SPAG16: variants seen among roughly 807,000 people sequenced by gnomAD.
SPAG16 encodes the protein sperm associated antigen 16.
SPAG16 carries 86 observed loss-of-function variants against 80.4 expected under a neutral mutation model. The observed-to-expected ratio is 1.07, with a 90% CI of 0.90 to 1.28. The LOEUF (loss-of-function observed/expected upper bound fraction) is 1.28, where lower values mean the gene tolerates loss of function less well. Among genes scored for constraint, SPAG16 ranks in the 50% most tolerant of loss-of-function variants. The probability of loss-of-function intolerance (pLI) is 0.00; values close to 1 mark genes in which losing one functional copy is unlikely to be tolerated. For synonymous variants in SPAG16, 294 were observed against 265.9 expected (o/e 1.11, Z -1.03); for missense variants, 870 against 765.3 (o/e 1.14, Z -1.61).
intron 10 of SPAG16, among the ~76,000 whole-genome samples, chr2:213,582,269 C>T (rs1463191832): frequency 1.3e-5 from 2 of 152,032 alleles, no homozygotes; most frequent in African/African-American, 2.4e-5. Flanking sequence ...TGTGTCCTTC[C>T]TAAGTTATTT....
chr2:213,786,342 G>C (rs2070342835), intron 10 of SPAG16, among the ~76,000 whole-genome samples: 1 of 152,098 alleles, frequency 6.6e-6, no homozygotes, highest in South Asian at 2.1e-4. Flanking sequence ...TGGTGACTTT[G>C]ACCTAAAGGC....
At chr2:213,843,180 T>G (rs922276519) in intron 10 of SPAG16, among the ~76,000 whole-genome samples, 2 of 152,100 alleles carry the variant, frequency 1.3e-5, no homozygotes, top group Admixed American at 1.3e-4. Context: ...TAGTTACATA[T>G]GTGCCATGTG....
At chr2:213,351,519 C>T (rs73988000) in intron 7 of SPAG16, among the ~76,000 whole-genome samples, 2,196 of 152,152 alleles carry the variant, frequency 0.014, 47 homozygotes, top group African/African-American at 0.049. Flanking sequence ...ATACCTTTGG[C>T]ATAAAAATTT....
rs574075651 is a variant in SPAG16, at chr2:214,219,791, A to G, written c.1720+70525A>G. The stretch of plus-strand genomic sequence containing the variant: ...CTGTAACTTATTCAAATTTGCTCTC[A>G]CTGAAATATATTATTGCATGTGGCA... On this transcript the variant is annotated intron_variant, in intron 15 of 15. Transcript: ENST00000331683. Among the ~76,000 whole-genome samples, 6 of 152,204 alleles carry G rather than the reference A, an allele frequency of 3.9e-5. No homozygotes were observed. In the South Asian group the frequency reaches 1.0e-3, roughly 26 times the overall value.
intron 9 of SPAG16, among the ~76,000 whole-genome samples, chr2:213,380,219 C>T (rs2067098965): frequency 6.6e-6 from 1 of 152,190 alleles, no homozygotes; most frequent in African/African-American, 2.4e-5. Flanking sequence ...CTAAGTTCTG[C>T]CCACTGGGAA....
At chr2:213,757,880 G>T (rs2068429160) in intron 10 of SPAG16, among the ~76,000 whole-genome samples, 1 of 152,002 alleles carries the variant, frequency 6.6e-6, no homozygotes, top group Non-Finnish European at 1.5e-5. Context: ...AGTGGTTATT[G>T]TTGCACCTCT....
At chr2:213,329,259 T>C (rs544605773) in intron 5 of SPAG16, among the ~76,000 whole-genome samples, 1 of 152,340 alleles carries the variant, frequency 6.6e-6, no homozygotes, top group South Asian at 2.1e-4. Context: ...TGGAACAGTT[T>C]GGAGGGCTCA....
intron 10 of SPAG16, among the ~76,000 whole-genome samples, chr2:213,755,350 T>C (rs772115614): frequency 1.1e-4 from 17 of 152,196 alleles, no homozygotes; most frequent in Non-Finnish European, 2.2e-4. Context: ...TCATGTTATA[T>C]AGAAAATGTG....
chr2:213,628,169 G>A (rs778076802), intron 10 of SPAG16, among the ~76,000 whole-genome samples: 3 of 152,170 alleles, frequency 2.0e-5, no homozygotes, highest in Non-Finnish European at 4.4e-5. Context: ...TGAATATCCA[G>A]TTAGAGTTCA....
chr2:213,312,353 A>C (rs2063225564), intron 4 of SPAG16, among the ~76,000 whole-genome samples: 1 of 151,590 alleles, frequency 6.6e-6, no homozygotes, highest in Non-Finnish European at 1.5e-5. Context: ...AGGGGGGAAA[A>C]ATTAAAGAAG....
intron 13 of SPAG16, among the ~76,000 whole-genome samples, chr2:214,048,386 T>C (rs2049456146): frequency 6.6e-6 from 1 of 152,170 alleles, no homozygotes; most frequent in South Asian, 2.1e-4. Context: ...ATTAAAAAAA[T>C]GTCATCTTCT....
chr2:213,935,993 A>G (rs1310165562), intron 12 of SPAG16, among the ~76,000 whole-genome samples: 1 of 151,828 alleles, frequency 6.6e-6, no homozygotes, highest in African/African-American at 2.4e-5. Context: ...CAAATTTTGT[A>G]GAGGAAAACT....
At chr2:213,644,360 G>T (rs945640322) in intron 10 of SPAG16, among the ~76,000 whole-genome samples, 1 of 151,992 alleles carries the variant, frequency 6.6e-6, no homozygotes, top group African/African-American at 2.4e-5. Context: ...GACTTATTTA[G>T]TTTATTTGGT....
intron 10 of SPAG16, among the ~76,000 whole-genome samples, chr2:213,847,428 C>T (rs956604426): frequency 1.3e-5 from 2 of 152,094 alleles, no homozygotes; most frequent in Non-Finnish European, 2.9e-5. Context: ...CAAAGAGGGG[C>T]TGGCATATCA....
chr2:214,147,169 T>C (rs1446220185), intron 14 of SPAG16, among the ~76,000 whole-genome samples: 1 of 152,208 alleles, frequency 6.6e-6, no homozygotes. Flanking sequence ...GCACAGTACC[T>C]GGCTCATTAA....
At chr2:213,562,711 TG>T (rs1282686824) in intron 10 of SPAG16, among the ~76,000 whole-genome samples, 1 of 152,108 alleles carries the variant, frequency 6.6e-6, no homozygotes, top group African/African-American at 2.4e-5. Flanking sequence ...TGTCCTCACG[TG>T]GTGGAAGGGG....
chr2:213,433,188 A>G (rs1027884634), intron 9 of SPAG16, among the ~76,000 whole-genome samples: 3 of 152,210 alleles, frequency 2.0e-5, no homozygotes, highest in Non-Finnish European at 2.9e-5. Context: ...CCCTCTAAGA[A>G]CTAGAACAAG....
At chr2:213,904,152 C>T (rs1483009358) in intron 11 of SPAG16, among the ~76,000 whole-genome samples, 1 of 152,176 alleles carries the variant, frequency 6.6e-6, no homozygotes, top group East Asian at 1.9e-4. Flanking sequence ...GCCTGTTACC[C>T]AGTTCCAAAG....
chr2:214,194,551 G>C (rs982541213), intron 15 of SPAG16, among the ~76,000 whole-genome samples: 1 of 152,046 alleles, frequency 6.6e-6, no homozygotes, highest in African/African-American at 2.4e-5. Context: ...TGTTTTACTA[G>C]CATAAGACAT....
Sources: allele counts gnomAD v4.1 joint callset (sites outside exome capture counted in the v4.1 genomes callset), GRCh38; gene constraint gnomAD v4.1.1; transcripts MANE v1.5; gene names NCBI Gene and HGNC (gene_info 2026-07-23, HGNC 2026-07-21).